The following LRRC58 variants were observed in gnomAD, a reference collection of about 807,000 sequenced individuals.
The protein encoded by LRRC58 is leucine rich repeat containing 58.
LRRC58 carries 18 observed loss-of-function variants against 30.6 expected under a neutral mutation model. The observed-to-expected ratio is 0.59, with a 90% confidence interval of 0.41 to 0.87. The LOEUF (loss-of-function observed/expected upper bound fraction) is 0.87. LRRC58 is among the 40% of genes least tolerant of loss of function. The probability of loss-of-function intolerance (pLI) is 0.00; values close to 1 mark genes in which losing one functional copy is unlikely to be tolerated. For missense variants in LRRC58, 420 were observed against 468.4 expected, an observed-to-expected ratio of 0.90 and a Z score of 0.95; for synonymous variants, 221 against 206.0, an observed-to-expected ratio of 1.07 and a Z score of -0.62.
In LRRC58 at chr3:120,327,776, C is replaced by T. The variant is rs889163267; in HGVS notation, c.*3424G>A. On this transcript the variant is annotated 3_prime_UTR_variant, in exon 4 of 4. Coordinates refer to ENST00000295628, the MANE Select transcript of LRRC58 (RefSeq NM_001099678.2). ...TTTGTTTGTTTGTTTGAGACACAGTCTCACTCTCACTCAGGCTGGAGTGCA... is the reference window on the plus strand; with the variant it reads ...TTTGTTTGTTTGTTTGAGACACAGTTTCACTCTCACTCAGGCTGGAGTGCA... 6.6e-6 allele frequency: 1 copy of T among 152,174 alleles called. No homozygotes were observed. Among genetic ancestry groups the T allele is most frequent in the African/African-American group, 2.4e-5 (1 of 41,452 alleles). 9.4% of individuals were successfully genotyped at this position (152,174 alleles called of 1,614,324 possible).
At chr3:120,336,008 C>T (rs1315515561) in intron 1 of LRRC58, 55 bp from the exon 2 acceptor site, 1 of 1,294,414 alleles carries the variant, frequency 7.7e-7, no homozygotes, top group Non-Finnish European at 1.1e-6. Context: ...AAAAGATACC[C>T]CATTGTGTCT....
At chr3:120,334,712 T>C (rs1042248356) in intron 3 of LRRC58, 150 bp downstream of exon 3, 1 of 773,454 alleles carries the variant, frequency 1.3e-6, no homozygotes, top group Non-Finnish European at 2.0e-6. Flanking sequence ...AAAAAGAATT[T>C]TTTAAAAAAC....
chr3:120,346,829 T>C (rs1935974075), intron 1 of LRRC58, among the ~76,000 whole-genome samples: 1 of 152,196 alleles, frequency 6.6e-6, no homozygotes, highest in Admixed American at 6.5e-5. Context: ...AATCTCTATC[T>C]CTTCACCCTC....
intron 2 of LRRC58, among the ~76,000 whole-genome samples, 162 bp downstream of exon 2, chr3:120,335,663 A>T (rs1023473855): frequency 6.6e-6 from 1 of 152,200 alleles, no homozygotes; most frequent in African/African-American, 2.4e-5. Context: ...AAGTGAAATT[A>T]AAAAAACTCA....
intron 1 of LRRC58, among the ~76,000 whole-genome samples, chr3:120,346,199 G>T (rs1041379047): frequency 1.3e-5 from 2 of 152,152 alleles, no homozygotes; most frequent in African/African-American, 4.8e-5. Context: ...GGAGATTGCA[G>T]TGAGCCCAGA....
chr3:120,334,808 T>C, intron 3 of LRRC58, 54 bp downstream of exon 3: 1 of 1,480,256 alleles, frequency 6.8e-7, no homozygotes, highest in Non-Finnish European at 9.1e-7. Flanking sequence ...GAAGACTTAA[T>C]TAATTTAAAA....
At position 120,349,106 on chromosome 3, in the gene LRRC58, C is replaced by G. The variant is rs1936019193; in HGVS notation, c.138G>C (p.Leu46=). 6.6e-7 allele frequency: 1 copy of G among 1,511,436 alleles called. No individual in the cohort carries two copies. Among genetic ancestry groups the G allele is most frequent in the African/African-American group, 1.4e-5 (1 of 69,352 alleles). The allele number at this position is 1,511,436 out of a possible 1,614,324, so 93.6% of individuals were successfully genotyped here. A position where few individuals can be genotyped will look rare whatever the true frequency, so the allele number is the denominator to read the frequency against. The change falls in exon 1 of 4, where the codon CTG becomes CTC. Residue 46 remains leucine, a synonymous_variant. Transcript: ENST00000295628. ...GEERRGAREA[L]LRLLLPHNRL... Reference sequence around the variant, plus strand: ...GGTTGTGAGGCAGCAGCAGCCGCAGCAGCGCCTCCCGCGCCCCGCGCCGCT... The same window carrying G: ...GGTTGTGAGGCAGCAGCAGCCGCAGGAGCGCCTCCCGCGCCCCGCGCCGCT...
intron 1 of LRRC58, among the ~76,000 whole-genome samples, chr3:120,342,209 G>A (rs890558681): frequency 2.6e-5 from 4 of 152,150 alleles, no homozygotes; most frequent in Non-Finnish European, 2.9e-5. Context: ...CCCACCTTTG[G>A]ACCAGGGTGG....
chr3:120,338,713 A>G (rs1935866712), intron 1 of LRRC58, among the ~76,000 whole-genome samples: 1 of 152,248 alleles, frequency 6.6e-6, no homozygotes, highest in Non-Finnish European at 1.5e-5. Flanking sequence ...CTGAGGTGGG[A>G]CTGTGGTCAT....
Position 120,335,131 on chromosome 3 carries a change from G to C in LRRC58, c.638C>G (p.Ser213Ter). The change falls in exon 3 of 4, where the codon TCA becomes TGA. Residue 213 changes from serine (S) to a stop codon, truncating the protein, a stop_gained. Transcript: ENST00000295628. LOFTEE classifies it high-confidence loss of function. ...ATTGTGAAGACTTAGGGAACGAAGT[G>C]AATGTAACCTAGAATAAATGTAGTA... ...SIPPQLSQLH[S>*]LRSLSLHNNL... 1 of 1,611,660 alleles carries C rather than the reference G, an allele frequency of 6.2e-7. No homozygotes were observed. The highest frequency in any genetic ancestry group is 8.5e-7 in the Non-Finnish European group (1 of 1,178,402).
chr3:120,348,053 G>A (rs11914405), intron 1 of LRRC58, among the ~76,000 whole-genome samples: 18,081 of 152,114 alleles, frequency 0.12, 1,172 homozygotes, highest in African/African-American at 0.16. Context: ...GAGTAGTAAC[G>A]AAAAAAATTG....
At chr3:120,343,207 ACATAAC>A (rs1935925660) in intron 1 of LRRC58, among the ~76,000 whole-genome samples, 1 of 152,258 alleles carries the variant, frequency 6.6e-6, no homozygotes, top group South Asian at 2.1e-4. Context: ...TAATCAAATT[ACATAAC>A]CATCATATTA....
In LRRC58 at chr3:120,348,986, C is replaced by G; in HGVS notation, c.258G>C (p.Glu86Asp). 1 of 1,529,430 alleles carries G rather than the reference C, an allele frequency of 6.5e-7. No individual in the cohort carries two copies. Among genetic ancestry groups the G allele is most frequent in the Non-Finnish European group, 8.7e-7 (1 of 1,144,302 alleles). The allele number at this position is 1,529,430 out of a possible 1,614,324, so 94.7% of individuals were successfully genotyped here. Residue 86 changes from glutamate (E) to aspartate (D), a missense_variant, in exon 1 of 4, where the codon GAG becomes GAC. Transcript: ENST00000295628. ...SGNALTALGP[E>D]LLALRGLRTL... is the part of the protein sequence containing the mutation. Reference sequence around the variant, plus strand: ...TGCGCAGGCCGCGCAGAGCGAGCAGCTCCGGCCCGAGCGCGGTCAACGCGT... The same window carrying G: ...TGCGCAGGCCGCGCAGAGCGAGCAGGTCCGGCCCGAGCGCGGTCAACGCGT...
rs375577960 is a variant in LRRC58, at chr3:120,330,992, C to T, written c.*208G>A. 24 of 551,106 alleles carry T rather than the reference C, an allele frequency of 4.4e-5. No individual in the cohort carries two copies. The highest frequency in any genetic ancestry group is 2.6e-4 in the African/African-American group (14 of 53,108). 34.1% of individuals were successfully genotyped at this position (551,106 alleles called of 1,614,324 possible). On this transcript the variant is annotated 3_prime_UTR_variant, in exon 4 of 4. Coordinates refer to ENST00000295628, the MANE Select transcript of LRRC58 (RefSeq NM_001099678.2). ...ATCAGCCAAATGTGAAACTATCATT[C>T]ACAAATTATGTTAAAATAATCTAAA...
chr3:120,335,196 A>G (rs1935817836), intron 2 of LRRC58, 57 bp from the exon 3 acceptor site: 3 of 1,445,250 alleles, frequency 2.1e-6, no homozygotes, highest in Non-Finnish European at 2.9e-6. Flanking sequence ...TATCAAAAAT[A>G]TTGAATATAT....
In LRRC58 at chr3:120,327,740, T is replaced by C. The variant is rs1290772406; in HGVS notation, c.*3460A>G. ...AGGTACAATTTACAATGCAAATTTT[T>C]TTGTTTGTTTTTTGTTTGTTTGTTT... On this transcript the variant is annotated 3_prime_UTR_variant, in exon 4 of 4. Transcript: ENST00000295628. The C allele has an allele frequency of 6.9e-6, 1 of 144,214 alleles. No individual in the cohort carries two copies. Among genetic ancestry groups the C allele is most frequent in the African/African-American group, 2.8e-5 (1 of 35,922 alleles). The allele number at this position is 144,214 out of a possible 1,614,324, so 8.9% of individuals were successfully genotyped here.
Position 120,341,393 on chromosome 3 carries a change from C to G in LRRC58, c.501-5440G>C, listed in dbSNP as rs555759628. 2.3e-4 allele frequency among the ~76,000 whole-genome samples: 35 copies of G among 152,086 alleles called. No homozygotes were observed. The East Asian group carries it at 5.8e-3, about 25-fold the overall frequency. The stretch of plus-strand genomic sequence containing the variant: ...AAAGGATTTGATAGCTAAATAATAA[C>G]TTGCAATATAGTCTAGAGAGGGAGA... On this transcript the variant is annotated intron_variant, in intron 1 of 3. Coordinates refer to ENST00000295628, the MANE Select transcript of LRRC58 (RefSeq NM_001099678.2).
rs200466593 is a variant in LRRC58, at chr3:120,331,229, G to A, written c.1087C>T (p.Arg363Cys). ...CCAAGAAGAACTTTCTGCATTCTGCGTGCAGCAACACTAGCTTCATCTTCT... is the reference window on the plus strand; with the variant it reads ...CCAAGAAGAACTTTCTGCATTCTGCATGCAGCAACACTAGCTTCATCTTCT... ...DSEDEASVAA[R>C]RMQKVLLG is the part of the protein sequence containing the mutation. Residue 363 changes from arginine (R) to cysteine (C), a missense_variant, in exon 4 of 4, where the codon CGC (arginine) becomes TGC (cysteine). By Grantham distance (180) the Arg-to-Cys change is radical (BLOSUM62 -3). This residue lies in a region of LRRC58 where 154 missense variants were observed against 216.8 expected (regional missense o/e 0.71). Coordinates refer to ENST00000295628, the MANE Select transcript of LRRC58 (RefSeq NM_001099678.2). 79 of 1,613,942 alleles carry A rather than the reference G, an allele frequency of 4.9e-5. No individual in the cohort carries two copies. In the African/African-American group the frequency reaches 8.5e-4, roughly 17 times the overall value.
chr3:120,340,999 G>A (rs919206302), intron 1 of LRRC58, among the ~76,000 whole-genome samples: 41 of 152,102 alleles, frequency 2.7e-4, no homozygotes, highest in African/African-American at 9.9e-4. Flanking sequence ...GACTTAAAAT[G>A]TTTAGAAAAA....
Sources: gnomAD v4.1 joint callset for allele counts (sites outside exome capture counted in the v4.1 genomes callset) on GRCh38, gnomAD v4.1.1 for gene constraint, gnomAD v4.1.1 regional missense constraint, MANE v1.5 for transcripts, NCBI Gene and HGNC (gene_info 2026-07-23, HGNC 2026-07-21) for gene names.